C19orf12: variants seen among roughly 807,000 people sequenced by gnomAD.
C19orf12 encodes protein C19orf12.
In C19orf12, 2 loss-of-function variants were observed where a neutral mutation model predicts 3.8. The ratio of observed to expected loss-of-function variants is 0.53; its 90% CI spans 0.22 to 1.66. The LOEUF is 1.66. C19orf12 is among the 40% of genes most tolerant of loss of function. C19orf12 has a pLI of 0.20. For synonymous variants in C19orf12, 89 were observed against 84.6 expected (o/e 1.05, Z -0.28); for missense variants, 156 against 188.8 (o/e 0.83, Z 1.02).
chr19:29,713,384 C>T (rs546261538), intron 1 of C19orf12, among the ~76,000 whole-genome samples: 29 of 152,190 alleles, frequency 1.9e-4, no homozygotes, highest in African/African-American at 6.5e-4. Flanking sequence ...TTCTTGCAGG[C>T]GCCCAGGCTG....
chr19:29,709,899 G>C (rs1972583727), intron 1 of C19orf12, among the ~76,000 whole-genome samples: 1 of 151,396 alleles, frequency 6.6e-6, no homozygotes, highest in Non-Finnish European at 1.5e-5. Flanking sequence ...TTAAGAGACA[G>C]TGTCTCTTGT....
rs1298513545 is a variant in C19orf12 at position 29,701,875 on chromosome 19, A to G, written c.*837T>C. The G allele has an allele frequency of 2.2e-6, 1 of 454,174 alleles. No homozygotes were observed. Among genetic ancestry groups the G allele is most frequent in the South Asian group, 1.6e-5 (1 of 64,482 alleles). The allele number at this position is 454,174 out of a possible 1,614,324, so 28.1% of individuals were successfully genotyped here. A position where few individuals can be genotyped will look rare whatever the true frequency, so the allele number is the denominator to read the frequency against. ...TATTGCACATTTAGTGGACTGCAATATGCAGTAAACATGACTTAGATGCAC... is the reference window on the plus strand; with the variant it reads ...TATTGCACATTTAGTGGACTGCAATGTGCAGTAAACATGACTTAGATGCAC... On this transcript the variant is annotated 3_prime_UTR_variant, in exon 3 of 3. Transcript: ENST00000323670.
intron 2 of C19orf12, chr19:29,705,205 G>A (rs1004426268): frequency 7.2e-6 from 2 of 276,324 alleles, no homozygotes; most frequent in Non-Finnish European, 1.5e-5. Context: ...GCCTCCCAAA[G>A]ACTCCTAACT....
rs1248654437 is a variant in C19orf12, at chr19:29,698,995, A to C, written c.*3717T>G. 12 of 453,980 alleles carry C rather than the reference A, an allele frequency of 2.6e-5. No homozygotes were observed. The allele number at this position is 453,980 out of a possible 1,614,324, so 28.1% of individuals were successfully genotyped here. A position where few individuals can be genotyped will look rare whatever the true frequency, so the allele number is the denominator to read the frequency against. ...TATTACTGTAATACTTCAGCATTAC[A>C]GTAGTAAAAATCCACAAATGGAATT... is the stretch of plus-strand genomic sequence containing the variant. On this transcript the variant is annotated 3_prime_UTR_variant, in exon 3 of 3. Coordinates refer to ENST00000323670, the MANE Select transcript of C19orf12 (RefSeq NM_031448.6).
chr19:29,710,613 T>C (rs1972615641), intron 1 of C19orf12, among the ~76,000 whole-genome samples: 1 of 152,212 alleles, frequency 6.6e-6, no homozygotes, highest in East Asian at 1.9e-4. Flanking sequence ...TATGTCTTTT[T>C]GTCCCCATGG....
At chr19:29,715,381 C>T (rs1972910189), upstream of C19orf12, 2 of 395,604 alleles carry the variant, frequency 5.1e-6, no homozygotes, top group Non-Finnish European at 1.0e-5. Flanking sequence ...CGCTGCTGGG[C>T]ACCCCCTCCC....
chr19:29,713,238 G>C (rs1490875690), intron 1 of C19orf12, among the ~76,000 whole-genome samples: 1 of 149,708 alleles, frequency 6.7e-6, no homozygotes, highest in Non-Finnish European at 1.5e-5. Context: ...AGACCTTAGG[G>C]GGTGGGAGTG....
rs1287877481 is a variant in C19orf12, at chr19:29,702,341, C to CGG, written c.*369_*370dup. 1 of 483,112 alleles carries CGG rather than the reference C, an allele frequency of 2.1e-6. No individual in the cohort carries two copies. 29.9% of individuals were successfully genotyped at this position (483,112 alleles called of 1,614,324 possible). A position where few individuals can be genotyped will look rare whatever the true frequency, so the allele number is the denominator to read the frequency against. ...GTCATCTCCCAAGATGAGAAGGCCCCGGGGGGAGGATGAAGTGTGGTCAGA... is the reference window on the plus strand; with the variant it reads ...GTCATCTCCCAAGATGAGAAGGCCCCGGGGGGGGAGGATGAAGTGTGGTCAGA... On this transcript the variant is annotated 3_prime_UTR_variant, in exon 3 of 3. Coordinates refer to ENST00000323670, the MANE Select transcript of C19orf12 (RefSeq NM_031448.6).
chr19:29,699,098 C>T lies in C19orf12; in HGVS notation c.*3614G>A, dbSNP rs1223024780. ...ATTTACAAGGAATTTTAAATTACAT[C>T]AAAAATATTATTTAACATTCATTGA... is the stretch of plus-strand genomic sequence containing the variant. On this transcript the variant is annotated 3_prime_UTR_variant, in exon 3 of 3. Coordinates refer to ENST00000323670, the MANE Select transcript of C19orf12 (RefSeq NM_031448.6). The T allele has an allele frequency of 6.6e-6, 3 of 453,746 alleles. No individual in the cohort carries two copies. The East Asian group carries it at 2.1e-4, about 32-fold the overall frequency. 28.1% of individuals were successfully genotyped at this position (453,746 alleles called of 1,614,324 possible). A position where few individuals can be genotyped will look rare whatever the true frequency, so the allele number is the denominator to read the frequency against.
chr19:29,712,954 T>C (rs984789250), intron 1 of C19orf12, among the ~76,000 whole-genome samples: 1 of 152,234 alleles, frequency 6.6e-6, no homozygotes, highest in African/African-American at 2.4e-5. Context: ...TGTGTTTTAA[T>C]AGTCCAGCAC....
rs1972006269 is a variant in C19orf12 at position 29,700,206 on chromosome 19, C to A, written c.*2506G>T. The stretch of plus-strand genomic sequence containing the variant: ...GCCTGACACAGACCAGGACCTGATG[C>A]ACGAGTAAGAATGAATGGGGCCCAA... On this transcript the variant is annotated 3_prime_UTR_variant, in exon 3 of 3. Transcript: ENST00000323670. The A allele has an allele frequency of 2.2e-6, 1 of 454,028 alleles. No individual in the cohort carries two copies. Among genetic ancestry groups the A allele is most frequent in the Non-Finnish European group, 4.4e-6 (1 of 226,716 alleles). 28.1% of individuals were successfully genotyped at this position (454,028 alleles called of 1,614,324 possible). A position where few individuals can be genotyped will look rare whatever the true frequency, so the allele number is the denominator to read the frequency against.
intron 2 of C19orf12, among the ~76,000 whole-genome samples, chr19:29,707,319 T>G (rs1422136452): frequency 2.0e-5 from 3 of 152,158 alleles, no homozygotes; most frequent in Non-Finnish European, 2.9e-5. Context: ...ATCATGCCAC[T>G]GCACTCCAGT....
chr19:29,714,549 T>C (rs1248843002), intron 1 of C19orf12, among the ~76,000 whole-genome samples: 3 of 152,120 alleles, frequency 2.0e-5, no homozygotes. Context: ...TCCTAAAGCA[T>C]TAACGACCCT....
rs1410127632 is a variant in C19orf12, at chr19:29,699,174, T to C, written c.*3538A>G. The stretch of plus-strand genomic sequence containing the variant: ...GATAAGAAGGCAAGTACGTTAGAAA[T>C]ATACATACATAGGCCGGGCGCAGTG... On this transcript the variant is annotated 3_prime_UTR_variant, in exon 3 of 3. Coordinates refer to ENST00000323670, the MANE Select transcript of C19orf12 (RefSeq NM_031448.6). 1 of 453,738 alleles carries C rather than the reference T, an allele frequency of 2.2e-6. No individual in the cohort carries two copies. The highest frequency in any genetic ancestry group is 4.4e-6 in the Non-Finnish European group (1 of 226,714). The allele number at this position is 453,738 out of a possible 1,614,324, so 28.1% of individuals were successfully genotyped here. A position where few individuals can be genotyped will look rare whatever the true frequency, so the allele number is the denominator to read the frequency against.
In C19orf12 at chr19:29,708,261, G is replaced by A. The variant is rs1162512554; in HGVS notation, c.153C>T (p.Leu51=). The A allele has an allele frequency of 4.3e-6, 7 of 1,611,908 alleles. No homozygotes were observed. The highest frequency in any genetic ancestry group is 4.0e-5 in the African/African-American group (3 of 75,024). ...TGAGACACCTGCACTTACCAACGGC[G>A]AGTCCCGGTGGGCCGCCCACCAAAC... ...VGGLVGGPPG[L]AVGGAVGGLL... The change falls in exon 2 of 3, where the codon CTC becomes CTT. Residue 51 remains leucine (L), a synonymous_variant. Coordinates refer to ENST00000323670, the MANE Select transcript of C19orf12 (RefSeq NM_031448.6).
In C19orf12 at chr19:29,708,345, C is replaced by G. The variant is rs201118405; in HGVS notation, c.69G>C (p.Ala23=). 1 of 1,614,150 alleles carries G rather than the reference C, an allele frequency of 6.2e-7. No homozygotes were observed. The highest frequency in any genetic ancestry group is 1.7e-5 in the Admixed American group (1 of 60,020). Residue 23 remains alanine, a synonymous_variant, in exon 2 of 3, where the codon GCG becomes GCC. Coordinates refer to ENST00000323670, the MANE Select transcript of C19orf12 (RefSeq NM_031448.6). ...CSLSGERKMK[A]AVKHSGKGAL... ...CACCCTTCCCAGAGTGCTTGACAGCCGCCTTCATCTTCCTCTCCCCAGAAA... is the reference window on the plus strand; with the variant it reads ...CACCCTTCCCAGAGTGCTTGACAGCGGCCTTCATCTTCCTCTCCCCAGAAA...
Position 29,715,022 on chromosome 19 carries a change from C to G in C19orf12, c.-11+103G>C. The G allele has an allele frequency of 4.2e-6, 3 of 707,072 alleles. No individual in the cohort carries two copies. The South Asian group carries it at 4.5e-5, about 11-fold the overall frequency. The allele number at this position is 707,072 out of a possible 1,614,324, so 43.8% of individuals were successfully genotyped here. On this transcript the variant is annotated intron_variant, in intron 1 of 2. Transcript: ENST00000323670. Reference sequence around the variant, plus strand: ...CTCCCGGCAGGGCGGGGACCCTCTCCCCAAGGCACTCCCGGGTCTCCAGGC... The same window carrying G: ...CTCCCGGCAGGGCGGGGACCCTCTCGCCAAGGCACTCCCGGGTCTCCAGGC...
rs1157794067 is a variant in C19orf12 at position 29,700,968 on chromosome 19, G to A, written c.*1744C>T. On this transcript the variant is annotated 3_prime_UTR_variant, in exon 3 of 3. Coordinates refer to ENST00000323670, the MANE Select transcript of C19orf12 (RefSeq NM_031448.6). ...ATGGAGGTCTCACTATATTGCCCAG[G>A]CTAGTTTCAAACTCTTGGCCTCAAG... is the stretch of plus-strand genomic sequence containing the variant. 4.4e-6 allele frequency: 2 copies of A among 453,982 alleles called. No individual in the cohort carries two copies. Among genetic ancestry groups the A allele is most frequent in the Admixed American group, 4.7e-5 (2 of 42,560 alleles). The allele number at this position is 453,982 out of a possible 1,614,324, so 28.1% of individuals were successfully genotyped here. A position where few individuals can be genotyped will look rare whatever the true frequency, so the allele number is the denominator to read the frequency against.
At chr19:29,714,866 G>C in intron 1 of C19orf12, 1 of 478,410 alleles carries the variant, frequency 2.1e-6, no homozygotes, top group South Asian at 1.6e-5. Context: ...GGGTGACAGC[G>C]AGCCAGGGCC....
Sources: allele counts gnomAD v4.1 joint callset (sites outside exome capture counted in the v4.1 genomes callset), GRCh38; gene constraint gnomAD v4.1.1; transcripts MANE v1.5; gene names NCBI Gene and HGNC (gene_info 2026-07-23, HGNC 2026-07-21).